Variants in EFR3B observed in about 807,000 individuals in gnomAD.
EFR3B encodes the protein protein EFR3 homolog B.
Under a neutral mutation model 104.7 loss-of-function variants are expected in EFR3B, and 64 were observed. That is an observed-to-expected ratio of 0.61 (90% CI 0.50 to 0.75). The LOEUF (loss-of-function observed/expected upper bound fraction) is 0.75. Among genes scored for constraint, EFR3B ranks in the 30% least tolerant of loss-of-function variants. The pLI is 0.00. For synonymous variants in EFR3B, 385 were observed against 417.9 expected (o/e 0.92, Z 0.96); for missense variants, 750 against 1,078.5 (o/e 0.70, Z 4.27).
In EFR3B at chr2:25,133,523, T is replaced by C. The variant is rs536378499; in HGVS notation, c.1311+89T>C. ...AAGTGAAGGCCTCCACATACAGTCG[T>C]GCATGTGGCATACTGCACAAATACA... On this transcript the variant is annotated intron_variant, in intron 12 of 22. Transcript: ENST00000403714. 10 of 1,334,718 alleles carry C rather than the reference T, an allele frequency of 7.5e-6. No individual in the cohort carries two copies. The Admixed American group carries it at 1.8e-4, about 24-fold the overall frequency. The allele number at this position is 1,334,718 out of a possible 1,614,324, so 82.7% of individuals were successfully genotyped here.
intron 1 of EFR3B, among the ~76,000 whole-genome samples, chr2:25,068,768 T>G (rs1381686675): frequency 6.6e-6 from 1 of 151,290 alleles, no homozygotes; most frequent in Non-Finnish European, 1.5e-5. Context: ...TAGCTGGAAC[T>G]ACAGGTGCCT....
Position 25,139,949 on chromosome 2 carries a change from A to G in EFR3B, c.1854+759A>G, listed in dbSNP as rs781748901. ...AGTCAAATGTGTTCTCAGTTGTTGC[A>G]TAAAGATCTTTTAAAACACATGGAA... On this transcript the variant is annotated intron_variant, in intron 16 of 22. Transcript: ENST00000403714. 5.1e-4 allele frequency among the ~76,000 whole-genome samples: 78 copies of G among 152,326 alleles called. 1 individual carries two copies. The highest frequency in any genetic ancestry group is 1.0e-3 in the Non-Finnish European group (71 of 68,026).
intron 1 of EFR3B, among the ~76,000 whole-genome samples, chr2:25,064,748 A>G (rs1040073859): frequency 1.1e-4 from 16 of 152,240 alleles, no homozygotes; most frequent in Non-Finnish European, 4.4e-5. Context: ...CAGAAGCATT[A>G]ACTTTTTTCC....
intron 12 of EFR3B, among the ~76,000 whole-genome samples, chr2:25,134,910 A>G (rs145420748): frequency 6.6e-6 from 1 of 152,374 alleles, no homozygotes; most frequent in Non-Finnish European, 1.5e-5. Flanking sequence ...ATGCTTTGAC[A>G]ACAGCATGTA....
At chr2:25,051,210 C>T (rs1667858454) in intron 1 of EFR3B, among the ~76,000 whole-genome samples, 1 of 152,164 alleles carries the variant, frequency 6.6e-6, no homozygotes, top group Non-Finnish European at 1.5e-5. Context: ...CTCCTGGGTT[C>T]AAGCGATTCT....
At chr2:25,118,806 C>G (rs1005319549) in intron 4 of EFR3B, among the ~76,000 whole-genome samples, 18 of 145,654 alleles carry the variant, frequency 1.2e-4, no homozygotes, top group Non-Finnish European at 1.0e-4. Context: ...TTTGGGAGGC[C>G]AAGGCGGGCG....
intron 5 of EFR3B, among the ~76,000 whole-genome samples, chr2:25,125,647 C>G (rs1179094354): frequency 3.3e-5 from 5 of 152,142 alleles, no homozygotes; most frequent in Non-Finnish European, 1.5e-5. Flanking sequence ...CCTGGCAACC[C>G]CAGTTAAAAC....
In EFR3B at chr2:25,091,287, G is replaced by A. The variant is rs960782133; in HGVS notation, c.8-38G>A. On this transcript the variant is annotated intron_variant, in intron 1 of 22. Transcript: ENST00000403714. ...CTCCAACCTTTCCTGGGCCCGACCA[G>A]GAGGCTTTGCTCACAGTTTTTCCCA... The A allele has an allele frequency of 1.1e-5, 17 of 1,544,220 alleles. No homozygotes were observed. The South Asian group carries it at 2.0e-4, about 18-fold the overall frequency.
chr2:25,131,971 G>T lies in EFR3B; in HGVS notation c.1147+60G>T. 1.6e-6 allele frequency: 2 copies of T among 1,261,584 alleles called. No homozygotes were observed. Among genetic ancestry groups the T allele is most frequent in the Admixed American group, 3.6e-5 (1 of 27,822 alleles). 78.1% of individuals were successfully genotyped at this position (1,261,584 alleles called of 1,614,324 possible). On this transcript the variant is annotated intron_variant, in intron 10 of 22. Coordinates refer to ENST00000403714, the MANE Select transcript of EFR3B (RefSeq NM_014971.2). The surrounding 1 kb of genome is among the most constrained non-coding windows in gnomAD (Gnocchi z 7.6). ...CCGAGGCGCGGAGTGGGGAGGGGAG[G>T]GGAGGGACGGGACGGGGCCCAGGGG...
chr2:25,057,781 G>T (rs1049732123), intron 1 of EFR3B, among the ~76,000 whole-genome samples: 1 of 39,010 alleles, frequency 2.6e-5, no homozygotes. Flanking sequence ...GCAAAACTCC[G>T]TCAAAAAAAA....
chr2:25,121,257 T>G (rs570866017), intron 4 of EFR3B, among the ~76,000 whole-genome samples: 4 of 152,298 alleles, frequency 2.6e-5, no homozygotes, highest in African/African-American at 9.6e-5. Flanking sequence ...AATTTCAGAT[T>G]TGTTCTTGTG....
rs554583943 is a variant in EFR3B, at chr2:25,155,966, C to T, written c.*1626C>T. Reference sequence around the variant, plus strand: ...TCAGCCTCCTGAGTAGCTGAGAATCCCTTTTTAGGGTACAATTTCAGGCAG... The same window carrying T: ...TCAGCCTCCTGAGTAGCTGAGAATCTCTTTTTAGGGTACAATTTCAGGCAG... On this transcript the variant is annotated 3_prime_UTR_variant, in exon 23 of 23. Coordinates refer to ENST00000403714, the MANE Select transcript of EFR3B (RefSeq NM_014971.2). 2.0e-5 allele frequency: 3 copies of T among 151,948 alleles called. No homozygotes were observed. Among genetic ancestry groups the T allele is most frequent in the Non-Finnish European group, 4.4e-5 (3 of 67,992 alleles). 9.4% of individuals were successfully genotyped at this position (151,948 alleles called of 1,614,324 possible).
intron 4 of EFR3B, among the ~76,000 whole-genome samples, chr2:25,117,908 C>T (rs774009861): frequency 1.3e-5 from 2 of 152,180 alleles, no homozygotes; most frequent in African/African-American, 4.8e-5. Flanking sequence ...TTCCACTCCC[C>T]GCAGCCCCTG....
At chr2:25,045,019 T>C (rs1280928534) in intron 1 of EFR3B, among the ~76,000 whole-genome samples, 2 of 152,194 alleles carry the variant, frequency 1.3e-5, no homozygotes, top group African/African-American at 4.8e-5. Flanking sequence ...AATCCCTGTA[T>C]ACAAAAGTGA....
intron 1 of EFR3B, among the ~76,000 whole-genome samples, chr2:25,061,683 A>G (rs1668201003): frequency 6.6e-6 from 1 of 150,948 alleles, no homozygotes; most frequent in Non-Finnish European, 1.5e-5. Flanking sequence ...TTTAGTAGAG[A>G]CGGGATTTCA....
intron 20 of EFR3B, among the ~76,000 whole-genome samples, chr2:25,150,369 G>A (rs1482771389): frequency 6.6e-6 from 1 of 151,208 alleles, no homozygotes; most frequent in Non-Finnish European, 1.5e-5. Flanking sequence ...ATAAATTTTT[G>A]GTTTATTTGG....
Position 25,130,191 on chromosome 2 carries a change from G to T in EFR3B, c.770+82G>T. ...TCCCTGGCATCTCCTGGCTGGCTGGGGGGAAGGGGATATTACAGTTGTGGT... is the reference window on the plus strand; with the variant it reads ...TCCCTGGCATCTCCTGGCTGGCTGGTGGGAAGGGGATATTACAGTTGTGGT... On this transcript the variant is annotated intron_variant, in intron 7 of 22. Transcript: ENST00000403714. The surrounding 1 kb of genome is among the most constrained non-coding windows in gnomAD (Gnocchi z 4.6). 1 of 1,535,542 alleles carries T rather than the reference G, an allele frequency of 6.5e-7. No homozygotes were observed.
chr2:25,140,417 C>T (rs1368163641), intron 16 of EFR3B, among the ~76,000 whole-genome samples: 1 of 152,202 alleles, frequency 6.6e-6, no homozygotes, highest in Non-Finnish European at 1.5e-5. Context: ...GGTGCCGTGA[C>T]TGTGACAGAG....
At chr2:25,118,726 CAAA>C (rs869026900) in intron 4 of EFR3B, among the ~76,000 whole-genome samples, 11 of 33,534 alleles carry the variant, frequency 3.3e-4, no homozygotes, top group African/African-American at 1.3e-3. Flanking sequence ...CCTGTCTCTA[CAAA>C]AAAAAAAAAA....
Sources: allele counts gnomAD v4.1 joint callset (sites outside exome capture counted in the v4.1 genomes callset), GRCh38; gene constraint gnomAD v4.1.1; non-coding constraint Gnocchi (gnomAD v3.1); transcripts MANE v1.5; gene names NCBI Gene and HGNC (gene_info 2026-07-23, HGNC 2026-07-21).